DOCK7: variants seen among roughly 807,000 people sequenced by gnomAD.
DOCK7 encodes the protein dedicator of cytokinesis 7.
A neutral mutation model predicts 271.0 loss-of-function variants in DOCK7; 138 were observed. The observed-to-expected ratio is 0.51, with a 90% CI of 0.44 to 0.59. The LOEUF (loss-of-function observed/expected upper bound fraction) is 0.59, where lower values mean the gene tolerates loss of function less well. Ranked by LOEUF, DOCK7 falls within the 20% of genes least tolerant of loss-of-function variation. The pLI is 0.00. For missense variants in DOCK7, 2,066 were observed against 2,592.4 expected (o/e 0.80, Z 4.41); for synonymous variants, 823 against 876.1 (o/e 0.94, Z 1.07).
chr1:62,629,241 T>C (rs1270661517), intron 11 of DOCK7: 1 of 152,170 alleles, frequency 6.6e-6, no homozygotes, highest in Non-Finnish European at 1.5e-5. Context: ...CTCCTAGCTA[T>C]ATATCTACAT....
In DOCK7 at chr1:62,528,184, T is replaced by C. The variant is rs758476791; in HGVS notation, c.3903A>G (p.Leu1301=). 6.2e-6 allele frequency: 10 copies of C among 1,613,174 alleles called. No individual in the cohort carries two copies. The highest frequency in any genetic ancestry group is 8.5e-6 in the Non-Finnish European group (10 of 1,179,618). ...TGAGGAGGAAACTGCCAGGCCTTGT[T>C]AGTTGAGGGACCGATGTCCCTGCGA... The part of the protein sequence containing the change: ...MAIAGTSVPQ[L]TRPGSFLLTS... Residue 1301 remains leucine, a synonymous_variant, in exon 31 of 50, where the codon CTA becomes CTG. Transcript: ENST00000635253.
rs115874988 is a variant in DOCK7, at chr1:62,592,449, A to G, written c.1683-5825T>C. ...TTTCTTAGCATAAGCCAGAACATTT[A>G]TAAGATGTAATTTTTAAAGCATCTA... is the stretch of plus-strand genomic sequence containing the variant. On this transcript the variant is annotated intron_variant, in intron 14 of 49. Transcript: ENST00000635253. 7.6e-3 allele frequency among the ~76,000 whole-genome samples: 1,159 copies of G among 152,306 alleles called. 22 individuals are homozygous for G. The highest frequency in any genetic ancestry group is 0.026 in the African/African-American group (1,068 of 41,570).
chr1:62,622,316 T>C (rs1653356423), intron 12 of DOCK7, among the ~76,000 whole-genome samples: 1 of 152,230 alleles, frequency 6.6e-6, no homozygotes, highest in African/African-American at 2.4e-5. Flanking sequence ...ATTGGTTGTT[T>C]ACTGTCCTGT....
chr1:62,668,337 C>T (rs1185677884), intron 1 of DOCK7, among the ~76,000 whole-genome samples: 1 of 152,028 alleles, frequency 6.6e-6, no homozygotes, highest in Non-Finnish European at 1.5e-5. Flanking sequence ...GACTAAAAGG[C>T]AAAGTCTATT....
At chr1:62,669,998 T>C (rs969322458) in intron 1 of DOCK7, among the ~76,000 whole-genome samples, 1 of 152,254 alleles carries the variant, frequency 6.6e-6, no homozygotes, top group Non-Finnish European at 1.5e-5. Flanking sequence ...CAGCCAGCCC[T>C]GCTGGCCCCG....
At chr1:62,576,710 G>C (rs1646951303) in intron 18 of DOCK7, among the ~76,000 whole-genome samples, 1 of 152,114 alleles carries the variant, frequency 6.6e-6, no homozygotes, top group African/African-American at 2.4e-5. Flanking sequence ...ATGAACGGTG[G>C]CTATTGATTC....
intron 1 of DOCK7, among the ~76,000 whole-genome samples, chr1:62,675,526 T>C (rs1396973011): frequency 6.6e-6 from 1 of 152,182 alleles, no homozygotes; most frequent in African/African-American, 2.4e-5. Flanking sequence ...CTCACTCCGG[T>C]AATCCCAGCA....
intron 43 of DOCK7, chr1:62,485,564 A>AG: frequency 2.0e-6 from 2 of 985,452 alleles, no homozygotes; most frequent in Non-Finnish European, 2.4e-6. Context: ...CCAGAATACT[A>AG]GAAAATTAGC....
chr1:62,614,493 C>G (rs1245090127), intron 14 of DOCK7, among the ~76,000 whole-genome samples: 2 of 151,920 alleles, frequency 1.3e-5, no homozygotes, highest in African/African-American at 4.8e-5. Flanking sequence ...AATATTGACT[C>G]TGATAATCTC....
intron 49 of DOCK7, among the ~76,000 whole-genome samples, chr1:62,457,127 G>A (rs1436448440): frequency 6.6e-6 from 1 of 152,104 alleles, no homozygotes; most frequent in African/African-American, 2.4e-5. Context: ...TTAAATAATA[G>A]AACTAGGATT....
chr1:62,539,492 C>A lies in DOCK7; in HGVS notation c.3300+53G>T, dbSNP rs1325073643. The A allele has an allele frequency of 5.6e-6, 8 of 1,438,554 alleles. No homozygotes were observed. In the Admixed American group the frequency reaches 6.0e-5, roughly 11 times the overall value. 89.1% of individuals were successfully genotyped at this position (1,438,554 alleles called of 1,614,324 possible). ...CTCTTAGCTCTAACTTTGAAAAGAACTAACATAGTATTTAAATTATTTGAT... is the reference window on the plus strand; with the variant it reads ...CTCTTAGCTCTAACTTTGAAAAGAAATAACATAGTATTTAAATTATTTGAT... On this transcript the variant is annotated intron_variant, in intron 27 of 49. Transcript: ENST00000635253.
chr1:62,578,590 C>T (rs1446855825), intron 17 of DOCK7, among the ~76,000 whole-genome samples: 3 of 151,626 alleles, frequency 2.0e-5, no homozygotes, highest in African/African-American at 7.3e-5. Context: ...GACATGGTGG[C>T]GGGCACCTGT....
intron 22 of DOCK7, 116 bp downstream of exon 22, chr1:62,552,616 T>C: frequency 8.0e-6 from 8 of 999,836 alleles, no homozygotes; most frequent in Non-Finnish European, 1.1e-5. Flanking sequence ...GTACAATTCC[T>C]TCCTAATTCC....
Position 62,535,673 on chromosome 1 carries a change from C to T in DOCK7, c.3472-41G>A, listed in dbSNP as rs114714219. On this transcript the variant is annotated intron_variant, in intron 28 of 49. Transcript: ENST00000635253. Reference sequence around the variant, plus strand: ...GCAGAACAAGACTATAACAGCAGTGCAACAAAGCATCCTACAGACAGAGCA... The same window carrying T: ...GCAGAACAAGACTATAACAGCAGTGTAACAAAGCATCCTACAGACAGAGCA... 1,474 of 1,589,784 alleles carry T rather than the reference C, an allele frequency of 9.3e-4. 12 individuals carry two copies. In the African/African-American group the frequency reaches 0.018, roughly 19 times the overall value.
chr1:62,647,822 CCAACTCTTT>C, intron 6 of DOCK7, 46 bp from the exon 7 acceptor site: 3 of 1,349,398 alleles, frequency 2.2e-6, no homozygotes, highest in Non-Finnish European at 3.1e-6. Flanking sequence ...TTATCATATT[CCAACTCTTT>C]ATCTTTTTCA....
chr1:62,579,156 T>G (rs1392944519), intron 16 of DOCK7, among the ~76,000 whole-genome samples, 190 bp from the exon 17 acceptor site: 1 of 152,178 alleles, frequency 6.6e-6, no homozygotes, highest in African/African-American at 2.4e-5. Context: ...TGCCACTGTT[T>G]CTGAAATTTC....
intron 1 of DOCK7, among the ~76,000 whole-genome samples, chr1:62,679,721 G>C (rs1387464881): frequency 6.6e-6 from 1 of 152,134 alleles, no homozygotes; most frequent in African/African-American, 2.4e-5. Flanking sequence ...AAAACAGTTT[G>C]ACACTACCTA....
rs940587236 is a variant in DOCK7, at chr1:62,471,978, G to A, written c.6212+2004C>T. On this transcript the variant is annotated intron_variant, in intron 48 of 49. Coordinates refer to ENST00000635253, the MANE Select transcript of DOCK7 (RefSeq NM_001367561.1). ...TATTGTAAAATACATATGCATAAAG[G>A]TATACTATTTAGTTACCATACTGAA... Among the ~76,000 whole-genome samples, 4 of 152,078 alleles carry A rather than the reference G, an allele frequency of 2.6e-5. No individual in the cohort carries two copies. In the East Asian group the frequency reaches 5.8e-4, roughly 22 times the overall value.
chr1:62,613,981 T>C (rs1652131799), intron 14 of DOCK7, among the ~76,000 whole-genome samples: 1 of 152,134 alleles, frequency 6.6e-6, no homozygotes, highest in Non-Finnish European at 1.5e-5. Flanking sequence ...TGGCCATATA[T>C]AAACTAAAAG....
Sources: allele counts gnomAD v4.1 joint callset (sites outside exome capture counted in the v4.1 genomes callset), GRCh38; gene constraint gnomAD v4.1.1; transcripts MANE v1.5; gene names NCBI Gene and HGNC (gene_info 2026-07-23, HGNC 2026-07-21).